Variants in CAPN14 observed in about 807,000 individuals in gnomAD.
CAPN14 encodes calpain-14.
Under a neutral mutation model 101.3 loss-of-function variants are expected in CAPN14, and 94 were observed. The ratio of observed to expected loss-of-function variants is 0.93; its 90% CI spans 0.79 to 1.10. The LOEUF is 1.10. Among genes scored for constraint, CAPN14 ranks in the 50% least tolerant of loss-of-function variants. The probability of loss-of-function intolerance (pLI) is 0.00; values close to 1 mark genes in which losing one functional copy is unlikely to be tolerated. For synonymous variants in CAPN14, 338 were observed against 317.9 expected (o/e 1.06, Z -0.67); for missense variants, 837 against 828.4 (o/e 1.01, Z -0.13).
chr2:31,192,110 C>T lies in CAPN14; in HGVS notation c.1115-12G>A, dbSNP rs1440332961. 2.6e-6 allele frequency: 4 copies of T among 1,536,554 alleles called. No individual in the cohort carries two copies. The African/African-American group carries it at 4.1e-5, about 16-fold the overall frequency. On this transcript the variant is annotated splice_polypyrimidine_tract_variant and intron_variant, in intron 10 of 21. Coordinates refer to ENST00000403897, the MANE Select transcript of CAPN14 (RefSeq NM_001145122.2). ...CTTCCAAAATGTGTCTGGAGCAGAA[C>T]ACAGCAAGGTGAGAATGGGCCCCGG... is the stretch of plus-strand genomic sequence containing the variant.
At chr2:31,196,663 C>T (rs1328062024) in intron 8 of CAPN14, among the ~76,000 whole-genome samples, 1 of 152,198 alleles carries the variant, frequency 6.6e-6, no homozygotes, top group African/African-American at 2.4e-5. Context: ...CTGTGCCCTA[C>T]AGCCAGTGTC....
chr2:31,216,535 C>G (rs1347001417), intron 1 of CAPN14, among the ~76,000 whole-genome samples: 1 of 152,122 alleles, frequency 6.6e-6, no homozygotes, highest in Non-Finnish European at 1.5e-5. Flanking sequence ...AGGGCCCTCA[C>G]TCTTCAGCAT....
At chr2:31,217,563 A>T (rs987583523), upstream of CAPN14, 12 of 152,208 alleles carry the variant, frequency 7.9e-5, no homozygotes, top group African/African-American at 2.7e-4. Context: ...CTTTCTACAC[A>T]TGGTGTTTAG....
chr2:31,225,599 C>A (rs1242166015), intron 2 of CAPN14, among the ~76,000 whole-genome samples: 2 of 151,918 alleles, frequency 1.3e-5, no homozygotes, highest in Admixed American at 6.6e-5. Context: ...TGAAATAGAG[C>A]TTTTATTATT....
chr2:31,189,738 G>A (rs1211466646), intron 12 of CAPN14: 7 of 564,302 alleles, frequency 1.2e-5, no homozygotes, highest in Non-Finnish European at 2.4e-5. Context: ...AACAACACCA[G>A]CACTAAATGA....
intron 5 of CAPN14, among the ~76,000 whole-genome samples, chr2:31,201,139 A>C (rs989750531): frequency 2.1e-5 from 3 of 144,112 alleles, no homozygotes; most frequent in Non-Finnish European, 4.6e-5. Context: ...GTATGTGTGG[A>C]CGTGTGTGTG....
chr2:31,231,388 C>T (rs594092), intron 1 of CAPN14, among the ~76,000 whole-genome samples: 139,524 of 152,318 alleles, frequency 0.92, 64,112 homozygotes, highest in East Asian at 1. Flanking sequence ...CTCCCATTTA[C>T]TTAGAACTTC....
chr2:31,190,790 A>G (rs1484407488), intron 12 of CAPN14, among the ~76,000 whole-genome samples: 1 of 152,244 alleles, frequency 6.6e-6, no homozygotes, highest in Non-Finnish European at 1.5e-5. Flanking sequence ...CCAACCTGAG[A>G]AAATTAAGCA....
chr2:31,205,411 G>T lies in CAPN14; in HGVS notation c.37C>A (p.Leu13Met). 1 of 1,551,612 alleles carries T rather than the reference G, an allele frequency of 6.4e-7. No individual in the cohort carries two copies. Among genetic ancestry groups the T allele is most frequent in the South Asian group, 1.2e-5 (1 of 84,052 alleles). Residue 13 changes from leucine (L) to methionine (M), a missense_variant, in exon 2 of 22, where the codon CTG becomes ATG. Coordinates refer to ENST00000403897, the MANE Select transcript of CAPN14 (RefSeq NM_001145122.2). ...GCCCTCCTAGAGTACCTTGGCGCCA[G>T]CTTCCATCTGCATCGGAAAGGTGGC... Reference protein sequence around the residue: ...LWPPFRCRWKLAPRYSRRASP... With the variant: ...LWPPFRCRWKMAPRYSRRASP...
chr2:31,177,376 A>G (rs1393878386), intron 19 of CAPN14, among the ~76,000 whole-genome samples: 1 of 152,196 alleles, frequency 6.6e-6, no homozygotes, highest in Non-Finnish European at 1.5e-5. Flanking sequence ...TGTTTTCATC[A>G]AGTATGTTAC....
intron 17 of CAPN14, 89 bp from the exon 18 acceptor site, chr2:31,178,668 A>G: frequency 1.2e-6 from 1 of 830,492 alleles, no homozygotes; most frequent in Non-Finnish European, 1.8e-6. Flanking sequence ...GTGATGTGCA[A>G]TTTGTGGATG....
rs1226335084 is a variant in CAPN14, at chr2:31,189,461, C to A, written c.1305G>T (p.Arg435Ser). Residue 435 changes from arginine (R) to serine (S), a missense_variant, in exon 13 of 22, where the codon AGG (arginine) becomes AGT (serine). Physicochemically the swap from Arg to Ser is moderately radical, Grantham distance 110. Coordinates refer to ENST00000403897, the MANE Select transcript of CAPN14 (RefSeq NM_001145122.2). ...YRMNKYHDDQRRLPPEFFQRN... is the reference protein window; with the variant it reads ...YRMNKYHDDQSRLPPEFFQRN... ...TCTGGAAGAACTCAGGGGGCAGTCT[C>A]CTCTGGTCATCATGGTACTGTGGGT... The A allele has an allele frequency of 6.4e-7, 1 of 1,551,498 alleles. No homozygotes were observed.
At chr2:31,227,964 A>T (rs1321682775) in intron 1 of CAPN14, among the ~76,000 whole-genome samples, 1 of 152,220 alleles carries the variant, frequency 6.6e-6, no homozygotes, top group Non-Finnish European at 1.5e-5. Context: ...GGACCACCAC[A>T]CTGAGCCTTA....
chr2:31,187,286 A>G (rs1680942167), intron 15 of CAPN14, among the ~76,000 whole-genome samples: 1 of 152,104 alleles, frequency 6.6e-6, no homozygotes, highest in Non-Finnish European at 1.5e-5. Flanking sequence ...CACAGAAACC[A>G]AGCGTGTGTC....
chr2:31,189,798 C>T, intron 12 of CAPN14: 1 of 477,430 alleles, frequency 2.1e-6, no homozygotes, highest in Non-Finnish European at 4.1e-6. Flanking sequence ...GGCTCTGAGG[C>T]TTAGACGGGT....
chr2:31,183,909 T>C (rs1297989152), intron 16 of CAPN14, among the ~76,000 whole-genome samples: 1 of 149,798 alleles, frequency 6.7e-6, no homozygotes, highest in Admixed American at 6.7e-5. Context: ...TCTTTAGAGA[T>C]GGAGTCTCAT....
chr2:31,191,481 C>T (rs1681176313), intron 11 of CAPN14, 74 bp from the exon 12 acceptor site: 7 of 1,460,432 alleles, frequency 4.8e-6, no homozygotes, highest in South Asian at 1.3e-5. Context: ...GGGAATCTGG[C>T]TCTTTCATAA....
In CAPN14 at chr2:31,200,515, A is replaced by G. The variant is rs1400704364; in HGVS notation, c.662T>C (p.Leu221Pro). ...TINLAEAHGN[L>P]WDILIEATYN... ...GGTGGCTTCGATGAGGATGTCCCAG[A>G]GGTTGCCATGGGCTTCTGCCAGGTT... The change falls in exon 6 of 22, where the codon CTC (leucine) becomes CCC (proline). Residue 221 changes from leucine to proline, a missense_variant. Leu to Pro is a moderately conservative substitution (Grantham distance 98). Transcript: ENST00000403897. The G allele has an allele frequency of 1.2e-5, 19 of 1,551,388 alleles. No individual in the cohort carries two copies. The highest frequency in any genetic ancestry group is 4.1e-5 in the African/African-American group (3 of 73,030).
chr2:31,199,628 G>T, intron 6 of CAPN14, 96 bp from the exon 7 acceptor site: 1 of 954,458 alleles, frequency 1.0e-6, no homozygotes, highest in Non-Finnish European at 1.6e-6. Context: ...GGGGTTTATG[G>T]AGAGAAGTGT....
Sources: allele counts gnomAD v4.1 joint callset (sites outside exome capture counted in the v4.1 genomes callset), GRCh38; gene constraint gnomAD v4.1.1; transcripts MANE v1.5; gene names NCBI Gene and HGNC (gene_info 2026-07-23, HGNC 2026-07-21).